SCUBE1: variants seen among roughly 807,000 people sequenced by gnomAD.
The protein encoded by SCUBE1 is signal peptide, CUB domain and EGF like domain containing 1.
SCUBE1 carries 59 observed loss-of-function variants against 124.4 expected under a neutral mutation model. The observed-to-expected ratio is 0.47, with a 90% CI of 0.38 to 0.59. SCUBE1 has a LOEUF of 0.59. SCUBE1 is among the 20% of genes least tolerant of loss of function. The pLI is 0.00. For missense variants in SCUBE1, 1,150 were observed against 1,371.2 expected, an observed-to-expected ratio of 0.84 and a Z score of 2.55; for synonymous variants, 545 against 550.9, an observed-to-expected ratio of 0.99 and a Z score of 0.15.
At chr22:43,305,067 C>A (rs989415029) in intron 3 of SCUBE1, among the ~76,000 whole-genome samples, 1 of 152,196 alleles carries the variant, frequency 6.6e-6, no homozygotes, top group African/African-American at 2.4e-5. Context: ...ACTGCCCGCA[C>A]TGTCCCGGGC....
intron 5 of SCUBE1, among the ~76,000 whole-genome samples, chr22:43,260,813 G>T (rs1021876677): frequency 6.6e-6 from 1 of 152,248 alleles, no homozygotes; most frequent in African/African-American, 2.4e-5. Flanking sequence ...GGGGGCAGCT[G>T]GGGTGAGGGT....
chr22:43,333,993 A>G (rs1483154320), intron 2 of SCUBE1, among the ~76,000 whole-genome samples: 5 of 152,184 alleles, frequency 3.3e-5, no homozygotes, highest in Non-Finnish European at 7.4e-5. Context: ...TGCTCTGCTG[A>G]GAGTCCATCC....
At chr22:43,280,764 A>ATTGGCCACCCTCCTGTCACCTCCC (rs1924779227) in intron 4 of SCUBE1, among the ~76,000 whole-genome samples, 1 of 84,576 alleles carries the variant, frequency 1.2e-5, no homozygotes, top group Non-Finnish European at 2.2e-5. Flanking sequence ...CACCTCCCTC[A>ATTGGCCACCCTCCTGTCACCTCCC]TTGGCCACCC....
At chr22:43,310,727 T>C (rs1926140219) in intron 3 of SCUBE1, among the ~76,000 whole-genome samples, 1 of 152,256 alleles carries the variant, frequency 6.6e-6, no homozygotes, top group African/African-American at 2.4e-5. Context: ...CATGTAATAA[T>C]TGTACATATT....
chr22:43,205,073 C>T (rs965769369), intron 21 of SCUBE1, among the ~76,000 whole-genome samples: 1 of 152,180 alleles, frequency 6.6e-6, no homozygotes, highest in African/African-American at 2.4e-5. Context: ...CAAATCATCA[C>T]TTCAGGCCTG....
At chr22:43,339,682 T>TC (rs201912035) in intron 1 of SCUBE1, among the ~76,000 whole-genome samples, 2 of 41,798 alleles carry the variant, frequency 4.8e-5, no homozygotes, top group South Asian at 8.4e-4. Context: ...CCTCACTCTA[T>TC]CCCCCCACAA....
At chr22:43,328,420 C>T (rs1230608425) in intron 2 of SCUBE1, among the ~76,000 whole-genome samples, 2 of 152,192 alleles carry the variant, frequency 1.3e-5, no homozygotes, top group Non-Finnish European at 2.9e-5. Flanking sequence ...CAAGGGGAGG[C>T]CCGAGACCCA....
At chr22:43,269,355 G>A (rs773826080) in intron 4 of SCUBE1, among the ~76,000 whole-genome samples, 28 of 152,106 alleles carry the variant, frequency 1.8e-4, no homozygotes, top group Non-Finnish European at 3.7e-4. Flanking sequence ...GCCTGGCCCC[G>A]AGCCAGTGCG....
rs2146692833 is a variant in SCUBE1, at chr22:43,245,437, T to A, written c.728-6483A>T. 3.3e-5 allele frequency among the ~76,000 whole-genome samples: 5 copies of A among 152,274 alleles called. No individual in the cohort carries two copies. The Middle Eastern group carries it at 0.017, about 518-fold the overall frequency. On this transcript the variant is annotated intron_variant, in intron 6 of 21. Transcript: ENST00000360835. ...CTGGGGACACGCTGGTGACAGTGCA[T>A]GCAGGTGGTGGCGCGGGTGGGGTGG...
In SCUBE1 at chr22:43,237,741, T is replaced by C. The variant is rs1922825912; in HGVS notation, c.844+1097A>G. 2.6e-5 allele frequency: 4 copies of C among 152,254 alleles called. No homozygotes were observed. In the South Asian group the frequency reaches 8.3e-4, roughly 31 times the overall value. 9.4% of individuals were successfully genotyped at this position (152,254 alleles called of 1,614,324 possible). A position where few individuals can be genotyped will look rare whatever the true frequency, so the allele number is the denominator to read the frequency against. On this transcript the variant is annotated intron_variant, in intron 7 of 21. Transcript: ENST00000360835. ...AAAAAAAGTCCACCTCAAGCTATTT[T>C]AAGTCACCCTAACCTCCACTTTCAA...
At chr22:43,299,482 G>A (rs1352498695) in intron 3 of SCUBE1, among the ~76,000 whole-genome samples, 2 of 152,180 alleles carry the variant, frequency 1.3e-5, no homozygotes, top group Non-Finnish European at 2.9e-5. Flanking sequence ...CACCCAGGTC[G>A]CCCTTCTCTG....
intron 5 of SCUBE1, among the ~76,000 whole-genome samples, chr22:43,262,367 C>T (rs892726708): frequency 4.6e-5 from 7 of 152,202 alleles, no homozygotes; most frequent in African/African-American, 1.7e-4. Context: ...CTTTGTACTA[C>T]TCATTACCAG....
intron 4 of SCUBE1, among the ~76,000 whole-genome samples, chr22:43,275,530 C>G (rs578221172): frequency 3.5e-4 from 53 of 152,340 alleles, no homozygotes; most frequent in African/African-American, 1.3e-3. Context: ...CTTGGGAGCT[C>G]ATGGACTGGT....
rs1921013214 is a variant in SCUBE1, at chr22:43,201,561, G to A, written c.*2436C>T. On this transcript the variant is annotated 3_prime_UTR_variant, in exon 22 of 22. Coordinates refer to ENST00000360835, the MANE Select transcript of SCUBE1 (RefSeq NM_173050.5). Reference sequence around the variant, plus strand: ...ATAGAAAAGAAGGAGGAGGAAGGGAGAATCCTCCCTTTGGGAGCTGGGACA... The same window carrying A: ...ATAGAAAAGAAGGAGGAGGAAGGGAAAATCCTCCCTTTGGGAGCTGGGACA... 6.6e-6 allele frequency: 1 copy of A among 151,756 alleles called. No individual in the cohort carries two copies. Among genetic ancestry groups the A allele is most frequent in the African/African-American group, 2.4e-5 (1 of 41,298 alleles). 9.4% of individuals were successfully genotyped at this position (151,756 alleles called of 1,614,324 possible). A position where few individuals can be genotyped will look rare whatever the true frequency, so the allele number is the denominator to read the frequency against.
At position 43,223,180 on chromosome 22, in the gene SCUBE1, G is replaced by C. The variant is rs762203765; in HGVS notation, c.1244C>G (p.Pro415Arg). The change falls in exon 11 of 22, where the codon CCC becomes CGC. Residue 415 changes from proline to arginine, a missense_variant. Pro to Arg is a moderately radical substitution (Grantham distance 103). This residue lies in a region of SCUBE1 where 757 missense variants were observed against 840.9 expected (regional missense o/e 0.90). Transcript: ENST00000360835. Reference sequence around the variant, plus strand: ...CTTGCTGCAGGACAGCTGGGCCCGGGGGGAGGTCTTGGCGCGAGAAAGACA... The same window carrying C: ...CTTGCTGCAGGACAGCTGGGCCCGGCGGGAGGTCTTGGCGCGAGAAAGACA... ...GKCLSRAKTS[P>R]RAQLSCSKAG... 5 of 1,572,474 alleles carry C rather than the reference G, an allele frequency of 3.2e-6. No individual in the cohort carries two copies. The highest frequency in any genetic ancestry group is 4.3e-6 in the Non-Finnish European group (5 of 1,167,998).
intron 6 of SCUBE1, among the ~76,000 whole-genome samples, chr22:43,251,538 A>AG (rs1274953996): frequency 6.6e-6 from 1 of 152,120 alleles, no homozygotes; most frequent in African/African-American, 2.4e-5. Flanking sequence ...TAACCGAGGG[A>AG]GGCAGCAGAG....
chr22:43,296,494 A>T (rs973910752), intron 3 of SCUBE1, among the ~76,000 whole-genome samples: 17 of 152,350 alleles, frequency 1.1e-4, no homozygotes, highest in African/African-American at 4.1e-4. Flanking sequence ...TCAGCACAGC[A>T]CAGGGACTTA....
intron 16 of SCUBE1, 81 bp downstream of exon 16, chr22:43,214,009 T>C: frequency 7.6e-7 from 1 of 1,311,464 alleles, no homozygotes; most frequent in Non-Finnish European, 1.0e-6. Context: ...ACCTGGGCCT[T>C]CGACAGGAGG....
At chr22:43,339,329 C>T (rs374239452) in intron 1 of SCUBE1, 94 bp from the exon 2 acceptor site, 48 of 1,289,464 alleles carry the variant, frequency 3.7e-5, no homozygotes, top group Middle Eastern at 1.9e-4. Context: ...TGCCTTTGCC[C>T]GTCCATTGAT....
Sources: allele counts gnomAD v4.1 joint callset (sites outside exome capture counted in the v4.1 genomes callset), GRCh38; gene constraint gnomAD v4.1.1; regional missense constraint gnomAD v4.1.1; transcripts MANE v1.5; gene names NCBI Gene and HGNC (gene_info 2026-07-23, HGNC 2026-07-21).